The following LRP5 variants were observed in gnomAD, a reference collection of about 807,000 sequenced individuals.
LRP5 encodes low-density lipoprotein receptor-related protein 5.
In LRP5, 62 loss-of-function variants were observed where a neutral mutation model predicts 154.1. That is an observed-to-expected ratio of 0.40 (90% CI 0.33 to 0.50). The LOEUF (loss-of-function observed/expected upper bound fraction) is 0.50. Among genes scored for constraint, LRP5 ranks in the 20% least tolerant of loss-of-function variants. LRP5 has a pLI of 0.55. For synonymous variants in LRP5, 966 were observed against 1,011.5 expected (o/e 0.96, Z 0.85); for missense variants, 1,915 against 2,336.7 (o/e 0.82, Z 3.72).
At chr11:68,328,017 A>G (rs2098600664) in intron 1 of LRP5, among the ~76,000 whole-genome samples, 1 of 152,244 alleles carries the variant, frequency 6.6e-6, no homozygotes, top group African/African-American at 2.4e-5. Flanking sequence ...ACCCACATGC[A>G]TATTTACAAC....
intron 1 of LRP5, among the ~76,000 whole-genome samples, chr11:68,336,614 A>G (rs1337178707): frequency 3.3e-5 from 5 of 152,246 alleles, no homozygotes; most frequent in African/African-American, 4.8e-5. Flanking sequence ...GATTACAGGC[A>G]TGCACCACCA....
chr11:68,447,385 C>T lies in LRP5; in HGVS notation c.4586+852C>T, dbSNP rs909947349. Among the ~76,000 whole-genome samples the T allele has an allele frequency of 4.6e-5, 7 of 152,298 alleles. No individual in the cohort carries two copies. Among genetic ancestry groups the T allele is most frequent in the South Asian group, 4.1e-4 (2 of 4,830 alleles). ...GCAGCAGGGCCTCCCGAGTGTGGTG[C>T]CGCCTGCCACCTAGTGGCCATTTCC... On this transcript the variant is annotated intron_variant, in intron 22 of 22. Transcript: ENST00000294304. This position sits in a 1 kb window ranked among gnomAD's most constrained non-coding sequence, Gnocchi z 4.3.
At chr11:68,376,252 G>A (rs907276822) in intron 5 of LRP5, among the ~76,000 whole-genome samples, 5 of 145,134 alleles carry the variant, frequency 3.4e-5, no homozygotes, top group Admixed American at 2.2e-4. Context: ...CGCGATCTCC[G>A]CTAACTGCAA....
rs149832771 is a variant in LRP5 at position 68,322,311 on chromosome 11, A to G, written c.91+9506A>G. Among the ~76,000 whole-genome samples the G allele has an allele frequency of 8.1e-4, 123 of 152,322 alleles. No homozygotes were observed. In the East Asian group the frequency reaches 0.022, roughly 27 times the overall value. On this transcript the variant is annotated intron_variant, in intron 1 of 22. Coordinates refer to ENST00000294304, the MANE Select transcript of LRP5 (RefSeq NM_002335.4). ...GGCCCTGCGGTGCATATTCAGTGAA[A>G]GCCTAGATTCAGAGCCAATGACATC...
At chr11:68,314,525 G>A (rs1164101907) in intron 1 of LRP5, among the ~76,000 whole-genome samples, 2 of 152,222 alleles carry the variant, frequency 1.3e-5, no homozygotes, top group African/African-American at 4.8e-5. Context: ...GGACCTCAGC[G>A]AAGCCAGTAA....
At chr11:68,432,101 G>A (rs1591320245) in intron 17 of LRP5, among the ~76,000 whole-genome samples, 1 of 152,152 alleles carries the variant, frequency 6.6e-6, no homozygotes, top group African/African-American at 2.4e-5. Flanking sequence ...CATCACCACC[G>A]CCATTCAGCC....
chr11:68,443,585 A>ATATTTTTTTT (rs1259673892), intron 21 of LRP5, among the ~76,000 whole-genome samples: 1 of 24,832 alleles, frequency 4.0e-5, no homozygotes, highest in Non-Finnish European at 6.8e-5. Context: ...ATATATATAT[A>ATATTTTTTTT]TTTTTTTTTT....
rs553755099 is a variant in LRP5 at position 68,357,341 on chromosome 11, A to G, written c.489-309A>G. On this transcript the variant is annotated intron_variant, in intron 2 of 22. Coordinates refer to ENST00000294304, the MANE Select transcript of LRP5 (RefSeq NM_002335.4). ...TTTCATGGTAGCAAAAAAATCAGAA[A>G]TAACCTGAAGTTCTTTAAAAAACTT... 2.1e-4 allele frequency among the ~76,000 whole-genome samples: 32 copies of G among 152,350 alleles called. No individual in the cohort carries two copies. In the East Asian group the frequency reaches 6.2e-3, roughly 29 times the overall value.
At chr11:68,417,225 TTC>T (rs1328928014) in intron 13 of LRP5, among the ~76,000 whole-genome samples, 1 of 152,034 alleles carries the variant, frequency 6.6e-6, no homozygotes, top group East Asian at 1.9e-4. Flanking sequence ...AAATGGAAAG[TTC>T]TCACCCCAGG....
rs569146791 is a variant in LRP5, at chr11:68,445,809, C to T, written c.4489-627C>T. 25 of 525,646 alleles carry T rather than the reference C, an allele frequency of 4.8e-5. No homozygotes were observed. The East Asian group carries it at 1.4e-3, about 29-fold the overall frequency. 32.6% of individuals were successfully genotyped at this position (525,646 alleles called of 1,614,324 possible). ...CGTGGTGAATTTGTCTATTTACTAT[C>T]CCCGCTTTGGGGCTGGTGCCAGCAC... On this transcript the variant is annotated intron_variant, in intron 21 of 22. Transcript: ENST00000294304.
intron 7 of LRP5, among the ~76,000 whole-genome samples, chr11:68,400,241 C>T (rs1381852644): frequency 1.3e-5 from 2 of 152,172 alleles, no homozygotes; most frequent in Non-Finnish European, 2.9e-5. Context: ...GAAGTGGCTG[C>T]CGGCCGCTGC....
intron 18 of LRP5, among the ~76,000 whole-genome samples, chr11:68,436,461 C>T (rs1255894349): frequency 6.6e-6 from 1 of 152,190 alleles, no homozygotes; most frequent in East Asian, 1.9e-4. Flanking sequence ...CTCCCCTCCC[C>T]TCCCCTCAAG....
At position 68,354,777 on chromosome 11, in the gene LRP5, G is replaced by A. The variant is rs544051332; in HGVS notation, c.489-2873G>A. ...ACCTGGAACAGGCCAGCCTTTCGGG[G>A]CCTCAGTTTTCTCATCTGCCTAATG... On this transcript the variant is annotated intron_variant, in intron 2 of 22. Coordinates refer to ENST00000294304, the MANE Select transcript of LRP5 (RefSeq NM_002335.4). 5.8e-4 allele frequency among the ~76,000 whole-genome samples: 88 copies of A among 152,332 alleles called. No homozygotes were observed. In the South Asian group the frequency reaches 0.017, roughly 29 times the overall value.
At chr11:68,368,243 C>T (rs1239260385) in intron 5 of LRP5, among the ~76,000 whole-genome samples, 5 of 152,134 alleles carry the variant, frequency 3.3e-5, no homozygotes, top group African/African-American at 7.2e-5. Flanking sequence ...GGAAGCAAGC[C>T]GGCACACAGA....
intron 1 of LRP5, among the ~76,000 whole-genome samples, chr11:68,329,828 T>C (rs1230803892): frequency 2.0e-5 from 3 of 152,224 alleles, no homozygotes; most frequent in Non-Finnish European, 2.9e-5. Context: ...CTATTTGCCA[T>C]GGCCTTGGGC....
At chr11:68,339,355 C>A (rs994789807) in intron 1 of LRP5, among the ~76,000 whole-genome samples, 1 of 151,164 alleles carries the variant, frequency 6.6e-6, no homozygotes, top group Non-Finnish European at 1.5e-5. Context: ...CTAATTTTTT[C>A]TTTTTTTTCC....
chr11:68,329,431 G>C (rs145951629), intron 1 of LRP5, among the ~76,000 whole-genome samples: 2 of 152,320 alleles, frequency 1.3e-5, no homozygotes, highest in East Asian at 3.9e-4. Flanking sequence ...GGCAAAACTA[G>C]GAATTGGCAG....
In LRP5 at chr11:68,410,376, C is replaced by T. The variant is rs537440772; in HGVS notation, c.2318+236C>T. 5.3e-5 allele frequency among the ~76,000 whole-genome samples: 8 copies of T among 152,246 alleles called. No homozygotes were observed. In the South Asian group the frequency reaches 1.5e-3, roughly 28 times the overall value. On this transcript the variant is annotated intron_variant, in intron 10 of 22. Transcript: ENST00000294304. ...CAGTGCTGGCTGCTTTCACCTGGGC[C>T]GTCTCACCGAAGTGTCCATGGAGCC...
chr11:68,356,143 C>CTT lies in LRP5; in HGVS notation c.489-1491_489-1490dup, dbSNP rs35481601. ...ACAGGCATGAGCCACCGCACCCAGCCTTTTTTTTTTTTTTTTTAGGCAGGG... is the reference window on the plus strand; with the variant it reads ...ACAGGCATGAGCCACCGCACCCAGCCTTTTTTTTTTTTTTTTTTTAGGCAGGG... On this transcript the variant is annotated intron_variant, in intron 2 of 22. Coordinates refer to ENST00000294304, the MANE Select transcript of LRP5 (RefSeq NM_002335.4). 1.0e-3 allele frequency among the ~76,000 whole-genome samples: 139 copies of CTT among 133,268 alleles called. 1 individual carries two copies. The highest frequency in any genetic ancestry group is 1.5e-3 in the Admixed American group (19 of 13,100). The allele number at this position is 133,268 out of a possible 152,430, so 87.4% of individuals were successfully genotyped here.
Sources: gnomAD v4.1 joint callset for allele counts (sites outside exome capture counted in the v4.1 genomes callset) on GRCh38, gnomAD v4.1.1 for gene constraint, Gnocchi (gnomAD v3.1) non-coding constraint, MANE v1.5 for transcripts, NCBI Gene and HGNC (gene_info 2026-07-23, HGNC 2026-07-21) for gene names.